The following CACNB2 variants were observed in gnomAD, a reference collection of about 807,000 sequenced individuals.
CACNB2 encodes the protein voltage-dependent L-type calcium channel subunit beta-2.
In CACNB2, 42 loss-of-function variants were observed where a neutral mutation model predicts 73.3. That is an observed-to-expected ratio of 0.57 (90% CI 0.45 to 0.74). The LOEUF is 0.74. Ranked by LOEUF, CACNB2 falls within the 30% of genes least tolerant of loss-of-function variation. CACNB2 has a pLI of 0.00. For missense variants in CACNB2, 940 were observed against 853.0 expected, an observed-to-expected ratio of 1.10 and a Z score of -1.27; for synonymous variants, 348 against 310.3, an observed-to-expected ratio of 1.12 and a Z score of -1.28.
intron 7 of CACNB2, among the ~76,000 whole-genome samples, chr10:18,517,047 GA>G (rs1468274507): frequency 2.0e-5 from 3 of 152,194 alleles, no homozygotes; most frequent in Non-Finnish European, 4.4e-5. Flanking sequence ...AATGAAGCCA[GA>G]AAAGTTTGTA....
chr10:18,423,893 T>C (rs2045457860), intron 3 of CACNB2, among the ~76,000 whole-genome samples: 1 of 152,208 alleles, frequency 6.6e-6, no homozygotes, highest in Non-Finnish European at 1.5e-5. Flanking sequence ...TTGAGATCAA[T>C]ATGTAATAAC....
chr10:18,306,932 T>C (rs1203630335), intron 2 of CACNB2, among the ~76,000 whole-genome samples: 2 of 152,080 alleles, frequency 1.3e-5, no homozygotes, highest in East Asian at 1.9e-4. Flanking sequence ...AGATTTGAGG[T>C]CCTTGGGTTA....
intron 4 of CACNB2, among the ~76,000 whole-genome samples, chr10:18,499,525 G>A (rs1056348523): frequency 6.8e-6 from 1 of 147,756 alleles, no homozygotes; most frequent in Non-Finnish European, 1.5e-5. Flanking sequence ...TGAGGCAGAA[G>A]AATAGCTTGA....
chr10:18,462,328 C>T (rs948374114), intron 3 of CACNB2, among the ~76,000 whole-genome samples: 3 of 152,066 alleles, frequency 2.0e-5, no homozygotes, highest in African/African-American at 7.2e-5. Flanking sequence ...ATCCGCAGCT[C>T]ACTGCAGCCT....
chr10:18,497,079 G>C (rs1172288997), intron 3 of CACNB2, among the ~76,000 whole-genome samples: 3 of 151,622 alleles, frequency 2.0e-5, no homozygotes, highest in African/African-American at 7.2e-5. Flanking sequence ...GGGCGTGGTG[G>C]CTCACGCCTA....
chr10:18,169,897 G>A (rs1164919118), intron 2 of CACNB2, among the ~76,000 whole-genome samples: 1 of 152,198 alleles, frequency 6.6e-6, no homozygotes, highest in Non-Finnish European at 1.5e-5. Flanking sequence ...TAACTGCAGA[G>A]CCCAGTTGTC....
intron 3 of CACNB2, among the ~76,000 whole-genome samples, chr10:18,413,591 G>A (rs548973962): frequency 1.3e-5 from 2 of 152,020 alleles, no homozygotes; most frequent in East Asian, 1.9e-4. Flanking sequence ...TGAAACCTTC[G>A]TCGAAGGGTC....
At chr10:18,215,805 C>A (rs1047029950) in intron 2 of CACNB2, among the ~76,000 whole-genome samples, 3 of 152,072 alleles carry the variant, frequency 2.0e-5, no homozygotes, top group African/African-American at 7.2e-5. Flanking sequence ...CTGCCCACTC[C>A]CAAGGCCATG....
At chr10:18,504,920 C>T (rs2050407539) in intron 5 of CACNB2, among the ~76,000 whole-genome samples, 1 of 152,212 alleles carries the variant, frequency 6.6e-6, no homozygotes, top group African/African-American at 2.4e-5. Flanking sequence ...GTTGGGATTA[C>T]AGGCGTGAGC....
chr10:18,317,513 GC>G (rs1428299004), intron 2 of CACNB2, among the ~76,000 whole-genome samples: 1 of 152,110 alleles, frequency 6.6e-6, no homozygotes, highest in Non-Finnish European at 1.5e-5. Context: ...GTATTAATTT[GC>G]CTAGGTTCTT....
chr10:18,175,452 A>G (rs1564317732), intron 2 of CACNB2, among the ~76,000 whole-genome samples: 1 of 152,020 alleles, frequency 6.6e-6, no homozygotes, highest in Non-Finnish European at 1.5e-5. Context: ...AACATGCACA[A>G]TTTTTTTTAT....
intron 2 of CACNB2, among the ~76,000 whole-genome samples, chr10:18,175,556 C>G (rs901733336): frequency 1.3e-5 from 2 of 152,082 alleles, no homozygotes; most frequent in Non-Finnish European, 2.9e-5. Context: ...ACACCCACTG[C>G]CAGGGATACA....
chr10:18,377,403 C>G (rs971530559), intron 2 of CACNB2, among the ~76,000 whole-genome samples: 5 of 152,094 alleles, frequency 3.3e-5, no homozygotes, highest in Non-Finnish European at 5.9e-5. Context: ...GTTTTTCTGT[C>G]AAGGGCCATG....
chr10:18,255,739 G>T (rs2037258184), intron 2 of CACNB2, among the ~76,000 whole-genome samples: 1 of 152,184 alleles, frequency 6.6e-6, no homozygotes, highest in African/African-American at 2.4e-5. Flanking sequence ...GTACTGTGAA[G>T]GGAGAGTCTA....
At chr10:18,474,272 C>T (rs1024456206) in intron 3 of CACNB2, among the ~76,000 whole-genome samples, 7 of 152,154 alleles carry the variant, frequency 4.6e-5, no homozygotes, top group East Asian at 1.9e-4. Context: ...AGCCTAGGGC[C>T]GGAGGGGCAG....
At position 18,341,855 on chromosome 10, in the gene CACNB2, A is replaced by G. The variant is rs558791735; in HGVS notation, c.214-60069A>G. Among the ~76,000 whole-genome samples, 14 of 152,246 alleles carry G rather than the reference A, an allele frequency of 9.2e-5. 1 individual carries two copies. The South Asian group carries it at 2.9e-3, about 32-fold the overall frequency. On this transcript the variant is annotated intron_variant, in intron 2 of 13. Coordinates refer to ENST00000324631, the MANE Select transcript of CACNB2 (RefSeq NM_201596.3). ...GTATCATATAAAACTGGAAACTGAG[A>G]TACTTTTTATGTGATTTTGATGATT...
chr10:18,410,032 C>G (rs1452430034), intron 3 of CACNB2, among the ~76,000 whole-genome samples: 1 of 152,112 alleles, frequency 6.6e-6, no homozygotes, highest in Non-Finnish European at 1.5e-5. Flanking sequence ...AATGTCCAGT[C>G]AGTGCTGTTT....
At chr10:18,357,178 C>T (rs1021929242) in intron 2 of CACNB2, among the ~76,000 whole-genome samples, 3 of 148,946 alleles carry the variant, frequency 2.0e-5, no homozygotes, top group Non-Finnish European at 4.5e-5. Flanking sequence ...CTCCTGACCT[C>T]GTGATCCGCC....
chr10:18,474,604 G>A (rs2048347162), intron 3 of CACNB2, among the ~76,000 whole-genome samples: 1 of 152,070 alleles, frequency 6.6e-6, no homozygotes, highest in South Asian at 2.1e-4. Flanking sequence ...TGACCTGGAT[G>A]GGTGGCCTTA....
Sources: gnomAD v4.1 joint callset for allele counts (sites outside exome capture counted in the v4.1 genomes callset) on GRCh38, gnomAD v4.1.1 for gene constraint, MANE v1.5 for transcripts, NCBI Gene and HGNC (gene_info 2026-07-23, HGNC 2026-07-21) for gene names.